The following JOSD1 variants were observed in gnomAD, a reference collection of about 807,000 sequenced individuals.
JOSD1 encodes Josephin domain containing 1, also known as josephin-1.
Under a neutral mutation model 24.3 loss-of-function variants are expected in JOSD1, and 11 were observed. The observed-to-expected ratio is 0.45, with a 90% CI of 0.29 to 0.75. JOSD1 has a LOEUF of 0.75. JOSD1 is among the 30% of genes least tolerant of loss of function. The pLI is 0.11. For missense variants in JOSD1, 184 were observed against 253.5 expected, an observed-to-expected ratio of 0.73 and a Z score of 1.86; for synonymous variants, 106 against 93.8, an observed-to-expected ratio of 1.13 and a Z score of -0.75.
At position 38,688,985 on chromosome 22, in the gene JOSD1, G is replaced by A. The variant is rs544404780; in HGVS notation, c.459C>T (p.Leu153=). Residue 153 remains leucine, a synonymous_variant, in exon 4 of 5, where the codon CTC becomes CTT. Coordinates refer to ENST00000683374, the MANE Select transcript of JOSD1 (RefSeq NM_001360236.2). ...VREVGGAYYN[L]DSKLKMPEWI... is the part of the protein sequence containing the mutation. Reference sequence around the variant, plus strand: ...ACTCGGGCATCTTGAGTTTGGAGTCGAGGTTGTAGTAGGCCCCTCCCACCT... The same window carrying A: ...ACTCGGGCATCTTGAGTTTGGAGTCAAGGTTGTAGTAGGCCCCTCCCACCT... 19 of 1,614,100 alleles carry A rather than the reference G, an allele frequency of 1.2e-5. No homozygotes were observed. Among genetic ancestry groups the A allele is most frequent in the South Asian group, 1.1e-4 (10 of 91,078 alleles).
chr22:38,699,136 G>A (rs1247412374), intron 2 of JOSD1, among the ~76,000 whole-genome samples: 2 of 152,220 alleles, frequency 1.3e-5, no homozygotes, highest in Non-Finnish European at 2.9e-5. Context: ...AAGAGATCTG[G>A]AGTCAACTTC....
intron 2 of JOSD1, among the ~76,000 whole-genome samples, chr22:38,693,334 G>A (rs1217626502): frequency 2.0e-5 from 3 of 152,046 alleles, no homozygotes; most frequent in Admixed American, 2.0e-4. Flanking sequence ...CTAACCAGAG[G>A]CTCCTTACCT....
intron 2 of JOSD1, among the ~76,000 whole-genome samples, chr22:38,692,717 G>C (rs193144691): frequency 8.9e-4 from 130 of 145,332 alleles, no homozygotes; most frequent in African/African-American, 3.2e-3. Context: ...GGAGGCAGAG[G>C]TTGCAGTGAG....
intron 2 of JOSD1, among the ~76,000 whole-genome samples, chr22:38,690,775 C>G (rs1248637466): frequency 6.6e-6 from 1 of 152,022 alleles, no homozygotes; most frequent in Non-Finnish European, 1.5e-5. Flanking sequence ...AATTCCGGCA[C>G]TCTGGGAGGC....
In JOSD1 at chr22:38,700,931, G is replaced by T. The variant is rs572930722; in HGVS notation, c.-763C>A. The T allele has an allele frequency of 4.0e-5, 39 of 984,584 alleles. No homozygotes were observed. The South Asian group carries it at 1.7e-3, about 44-fold the overall frequency. 61.0% of individuals were successfully genotyped at this position (984,584 alleles called of 1,614,324 possible). A position where few individuals can be genotyped will look rare whatever the true frequency, so the allele number is the denominator to read the frequency against. On this transcript the variant is annotated 5_prime_UTR_variant, in exon 1 of 5. Transcript: ENST00000683374. The stretch of plus-strand genomic sequence containing the variant: ...CAGCCGGCCGCCACCTGGAGTGCGC[G>T]CCGCCAACTGGGCCGTGCGGGCGGG...
upstream of JOSD1, chr22:38,700,949 C>A (rs1266537809): frequency 7.1e-6 from 7 of 984,694 alleles, no homozygotes; most frequent in African/African-American, 7.0e-5. Flanking sequence ...CTGGGCCGTG[C>A]GGGCGGGCGC....
chr22:38,686,160 A>C lies in JOSD1; in HGVS notation c.*1742T>G, dbSNP rs952033127. ...TGGTGTAGAAAATGGTGCAGAAGAG[A>C]CTGCGGCCAGTTGCTGAGAAGATAT... On this transcript the variant is annotated 3_prime_UTR_variant, in exon 5 of 5. Coordinates refer to ENST00000683374, the MANE Select transcript of JOSD1 (RefSeq NM_001360236.2). 4.6e-5 allele frequency: 7 copies of C among 152,460 alleles called. No homozygotes were observed. Among genetic ancestry groups the C allele is most frequent in the African/African-American group, 1.7e-4 (7 of 41,364 alleles). 9.4% of individuals were successfully genotyped at this position (152,460 alleles called of 1,614,324 possible).
Position 38,700,345 on chromosome 22 carries a change from T to A in JOSD1, c.-358A>T, listed in dbSNP as rs1449045580. 1 of 979,592 alleles carries A rather than the reference T, an allele frequency of 1.0e-6. No homozygotes were observed. The highest frequency in any genetic ancestry group is 1.3e-4 in the East Asian group (1 of 7,802). The allele number at this position is 979,592 out of a possible 1,614,324, so 60.7% of individuals were successfully genotyped here. On this transcript the variant is annotated 5_prime_UTR_variant, in exon 2 of 5. Coordinates refer to ENST00000683374, the MANE Select transcript of JOSD1 (RefSeq NM_001360236.2). ...TTTTCTTGCTGTTTCCCTCTGCAAATGCCAGGCCTCAAAGCAGGAGGACCG... is the reference window on the plus strand; with the variant it reads ...TTTTCTTGCTGTTTCCCTCTGCAAAAGCCAGGCCTCAAAGCAGGAGGACCG...
Position 38,687,984 on chromosome 22 carries a change from T to C in JOSD1, c.527A>G (p.His176Arg). Residue 176 changes from histidine (H) to arginine (R), a missense_variant, in exon 5 of 5, where the codon CAT (histidine) becomes CGT (arginine). Transcript: ENST00000683374. ...ESELRKFLKH[H>R]LRGKNCELLL... Reference sequence around the variant, plus strand: ...GAGTTCACAGTTCTTTCCTCGCAAATGATGTTTTAGAAACTTCCTATGGAA... The same window carrying C: ...GAGTTCACAGTTCTTTCCTCGCAAACGATGTTTTAGAAACTTCCTATGGAA... The C allele has an allele frequency of 3.1e-6, 5 of 1,613,282 alleles. No individual in the cohort carries two copies. The highest frequency in any genetic ancestry group is 4.2e-6 in the Non-Finnish European group (5 of 1,179,208).
chr22:38,690,770 C>T (rs564047346), intron 2 of JOSD1, among the ~76,000 whole-genome samples: 37 of 152,106 alleles, frequency 2.4e-4, no homozygotes, highest in Admixed American at 5.9e-4. Flanking sequence ...CTTGTAATTC[C>T]GGCACTCTGG....
intron 2 of JOSD1, among the ~76,000 whole-genome samples, chr22:38,697,775 G>A (rs866659154): frequency 7.2e-5 from 11 of 152,274 alleles, no homozygotes; most frequent in Non-Finnish European, 1.3e-4. Flanking sequence ...ATCAGTGTGA[G>A]GACTGAGTGG....
chr22:38,697,737 TG>T (rs2092551621), intron 2 of JOSD1, among the ~76,000 whole-genome samples: 1 of 152,154 alleles, frequency 6.6e-6, no homozygotes, highest in African/African-American at 2.4e-5. Context: ...ACTGGAAAAA[TG>T]GGCAGCAACA....
Position 38,687,714 on chromosome 22 carries a change from GC to G in JOSD1, c.*187del. The G allele has an allele frequency of 1.8e-6, 1 of 559,350 alleles. No homozygotes were observed. 34.6% of individuals were successfully genotyped at this position (559,350 alleles called of 1,614,324 possible). A position where few individuals can be genotyped will look rare whatever the true frequency, so the allele number is the denominator to read the frequency against. On this transcript the variant is annotated 3_prime_UTR_variant, in exon 5 of 5. Transcript: ENST00000683374. ...AGTGCACAGAACTCCTACCTTCCTT[GC>G]CCAGGAACAAAACACTGAGTAGTTC...
chr22:38,698,172 T>C (rs1329728486), intron 2 of JOSD1, among the ~76,000 whole-genome samples: 2 of 152,150 alleles, frequency 1.3e-5, no homozygotes, highest in East Asian at 1.9e-4. Context: ...AAAGGAAGCA[T>C]GTACTGGGTC....
chr22:38,691,114 C>A (rs2092520031), intron 2 of JOSD1, among the ~76,000 whole-genome samples: 1 of 152,130 alleles, frequency 6.6e-6, no homozygotes, highest in South Asian at 2.1e-4. Flanking sequence ...CCTGCAATCC[C>A]AGCACTTTGG....
At chr22:38,689,456 T>G (rs780280402) in intron 2 of JOSD1, 32 bp from the exon 3 acceptor site, 2 of 1,612,782 alleles carry the variant, frequency 1.2e-6, no homozygotes, top group South Asian at 1.1e-5. Context: ...GGCTGAGACT[T>G]GCTGGATGCC....
At chr22:38,693,487 G>A (rs1358198750) in intron 2 of JOSD1, among the ~76,000 whole-genome samples, 1 of 152,128 alleles carries the variant, frequency 6.6e-6, no homozygotes, top group Non-Finnish European at 1.5e-5. Context: ...AACTGACAAT[G>A]GTACCAACTG....
chr22:38,693,194 C>CA (rs1048671806), intron 2 of JOSD1, among the ~76,000 whole-genome samples: 1 of 152,142 alleles, frequency 6.6e-6, no homozygotes, highest in Non-Finnish European at 1.5e-5. Context: ...CTTCAGTTCC[C>CA]AAACAAATTT....
In JOSD1 at chr22:38,700,038, C is replaced by T; in HGVS notation, c.-51G>A. ...GGCTATAAACACCCCACTCTTCCCT[C>T]TAGAGGAAGAATGTAAGCTTCTCAG... On this transcript the variant is annotated 5_prime_UTR_variant, in exon 2 of 5. Transcript: ENST00000683374. The T allele has an allele frequency of 6.6e-7, 1 of 1,526,674 alleles. No homozygotes were observed. Among genetic ancestry groups the T allele is most frequent in the Non-Finnish European group, 8.8e-7 (1 of 1,140,290 alleles). The allele number at this position is 1,526,674 out of a possible 1,614,324, so 94.6% of individuals were successfully genotyped here.
Sources: gnomAD v4.1 joint callset for allele counts (sites outside exome capture counted in the v4.1 genomes callset) on GRCh38, gnomAD v4.1.1 for gene constraint, MANE v1.5 for transcripts, NCBI Gene and HGNC (gene_info 2026-07-23, HGNC 2026-07-21) for gene names.